Variants in DIS3L2 observed in about 807,000 individuals in gnomAD.
The protein encoded by DIS3L2 is DIS3-like exonuclease 2.
In DIS3L2, 34 loss-of-function variants were observed where a neutral mutation model predicts 97.5. The observed-to-expected ratio is 0.35, with a 90% confidence interval of 0.27 to 0.46. DIS3L2 has a LOEUF of 0.46. Among genes scored for constraint, DIS3L2 ranks in the 20% least tolerant of loss-of-function variants. The pLI, the probability that DIS3L2 is intolerant of heterozygous loss-of-function variation, is 1.00. For synonymous variants in DIS3L2, 435 were observed against 445.2 expected (o/e 0.98, Z 0.29); for missense variants, 1,038 against 1,146.0 (o/e 0.91, Z 1.36).
At chr2:231,989,462 T>C (rs1033043698) in intron 1 of DIS3L2, among the ~76,000 whole-genome samples, 9 of 152,080 alleles carry the variant, frequency 5.9e-5, no homozygotes, top group Admixed American at 5.2e-4. Flanking sequence ...TATGGTAGTT[T>C]CTTACATTTT....
At chr2:232,130,481 G>A (rs571039032) in intron 6 of DIS3L2, 138 bp from the exon 7 acceptor site, 41 of 953,920 alleles carry the variant, frequency 4.3e-5, no homozygotes, top group Non-Finnish European at 5.5e-5. Context: ...GTCCACTGGC[G>A]GCCTGGGGTT....
chr2:232,051,540 C>T (rs1260985786), intron 5 of DIS3L2, among the ~76,000 whole-genome samples: 1 of 152,054 alleles, frequency 6.6e-6, no homozygotes, highest in Non-Finnish European at 1.5e-5. Flanking sequence ...CGGCTGGGCG[C>T]GGTGGCTCAC....
At chr2:232,096,346 A>G (rs1462321798) in intron 6 of DIS3L2, among the ~76,000 whole-genome samples, 1 of 150,542 alleles carries the variant, frequency 6.6e-6, no homozygotes, top group Non-Finnish European at 1.5e-5. Flanking sequence ...TCGGCCTCCC[A>G]AAGTGCTGGG....
intron 9 of DIS3L2, among the ~76,000 whole-genome samples, chr2:232,194,045 G>C (rs984349468): frequency 1.3e-5 from 2 of 152,154 alleles, no homozygotes; most frequent in South Asian, 4.1e-4. Flanking sequence ...GGGAAGCAGA[G>C]GTTGCAGTGA....
At chr2:232,194,953 A>G (rs1389307985) in intron 9 of DIS3L2, among the ~76,000 whole-genome samples, 1 of 152,190 alleles carries the variant, frequency 6.6e-6, no homozygotes, top group African/African-American at 2.4e-5. Flanking sequence ...AACAGTTATT[A>G]TGAGCATATT....
chr2:232,080,900 C>CAAAAA (rs34838591), intron 5 of DIS3L2, among the ~76,000 whole-genome samples: 1,651 of 116,194 alleles, frequency 0.014, 18 homozygotes, highest in Non-Finnish European at 0.023. Flanking sequence ...AGCTCTGTCT[C>CAAAAA]AAAAAAAAAA....
At chr2:231,967,240 C>T (rs1007819386) in intron 1 of DIS3L2, among the ~76,000 whole-genome samples, 1 of 152,152 alleles carries the variant, frequency 6.6e-6, no homozygotes, top group Non-Finnish European at 1.5e-5. Context: ...GTGACCCAAA[C>T]CGGATGAGGC....
At chr2:232,137,401 A>G (rs1698389299) in intron 8 of DIS3L2, among the ~76,000 whole-genome samples, 1 of 152,226 alleles carries the variant, frequency 6.6e-6, no homozygotes, top group Non-Finnish European at 1.5e-5. Context: ...AAAAGCAGTA[A>G]GTTTTAGCTA....
At chr2:232,235,997 G>A (rs1252010332) in intron 10 of DIS3L2, among the ~76,000 whole-genome samples, 1 of 152,182 alleles carries the variant, frequency 6.6e-6, no homozygotes, top group Non-Finnish European at 1.5e-5. Context: ...AAACAGATCT[G>A]TTATGTTACC....
In DIS3L2 at chr2:232,236,076, G is replaced by A. The variant is rs1168281640; in HGVS notation, c.1205-2457G>A. Among the ~76,000 whole-genome samples, 8 of 152,106 alleles carry A rather than the reference G, an allele frequency of 5.3e-5. No homozygotes were observed. The East Asian group carries it at 1.2e-3, about 22-fold the overall frequency. On this transcript the variant is annotated intron_variant, in intron 10 of 20. Coordinates refer to ENST00000325385, the MANE Select transcript of DIS3L2 (RefSeq NM_152383.5). ...ATGTATTACAGCTACAGGATTGGGC[G>A]GAAAAACCTGAAGAATGCCCTGTAG... is the stretch of plus-strand genomic sequence containing the variant.
intron 14 of DIS3L2, among the ~76,000 whole-genome samples, chr2:232,303,791 G>A (rs1053039493): frequency 4.5e-4 from 68 of 152,084 alleles, no homozygotes; most frequent in African/African-American, 1.5e-3. Flanking sequence ...TGTGGCCCTC[G>A]GGTCCATGGG....
rs887762238 is a variant in DIS3L2 at position 232,249,198 on chromosome 2, G to T, written c.1318-41G>T. The stretch of plus-strand genomic sequence containing the variant: ...CTGCCCACTGGGCTTCTCCTAAGCG[G>T]GTTGGAGAAAGGTGCTCATGGGCCT... On this transcript the variant is annotated intron_variant, in intron 11 of 20. Transcript: ENST00000325385. 6.9e-6 allele frequency: 11 copies of T among 1,597,882 alleles called. No homozygotes were observed. The Admixed American group carries it at 1.3e-4, about 20-fold the overall frequency.
At chr2:232,185,537 A>G (rs1691408557) in intron 9 of DIS3L2, among the ~76,000 whole-genome samples, 1 of 152,230 alleles carries the variant, frequency 6.6e-6, no homozygotes, top group Admixed American at 6.5e-5. Flanking sequence ...TTAGGAATTT[A>G]GATAAAGAAG....
chr2:232,218,273 TGTCATGTGCAC>T (rs1692399731), intron 10 of DIS3L2, among the ~76,000 whole-genome samples: 1 of 152,214 alleles, frequency 6.6e-6, no homozygotes, highest in Non-Finnish European at 1.5e-5. Flanking sequence ...TATATGTCCA[TGTCATGTGCAC>T]ATCACAGATA....
chr2:232,198,091 C>T (rs553695744), intron 9 of DIS3L2, among the ~76,000 whole-genome samples: 1 of 152,154 alleles, frequency 6.6e-6, no homozygotes, highest in South Asian at 2.1e-4. Context: ...AGTCATAGCT[C>T]TGCAGTTCTG....
intron 1 of DIS3L2, among the ~76,000 whole-genome samples, chr2:231,972,886 C>G (rs1046704930): frequency 6.6e-6 from 1 of 152,192 alleles, no homozygotes; most frequent in Non-Finnish European, 1.5e-5. Context: ...CCACTTGATT[C>G]TGCCATATTC....
chr2:232,256,773 A>C (rs1009589210), intron 12 of DIS3L2, among the ~76,000 whole-genome samples: 1 of 152,166 alleles, frequency 6.6e-6, no homozygotes, highest in East Asian at 1.9e-4. Context: ...ACTTGATCAG[A>C]TTGAGAACAG....
At chr2:232,341,489 G>T (rs1696100779), downstream of DIS3L2, among the ~76,000 whole-genome samples, 1 of 149,022 alleles carries the variant, frequency 6.7e-6, no homozygotes, top group Admixed American at 6.6e-5. Context: ...GCAAGAAGAG[G>T]TAGCTAGTCA....
chr2:232,119,888 T>C (rs916552000), intron 6 of DIS3L2, among the ~76,000 whole-genome samples: 1 of 152,184 alleles, frequency 6.6e-6, no homozygotes, highest in Non-Finnish European at 1.5e-5. Flanking sequence ...CTTACCAATC[T>C]GTAAATTAGA....
Sources: gnomAD v4.1 joint callset for allele counts (sites outside exome capture counted in the v4.1 genomes callset) on GRCh38, gnomAD v4.1.1 for gene constraint, MANE v1.5 for transcripts, NCBI Gene and HGNC (gene_info 2026-07-23, HGNC 2026-07-21) for gene names.